ATG4C: variants seen among roughly 807,000 people sequenced by gnomAD.
The protein encoded by ATG4C is autophagy related 4C cysteine peptidase.
A neutral mutation model predicts 57.6 loss-of-function variants in ATG4C; 56 were observed. The observed-to-expected ratio is 0.97, with a 90% confidence interval of 0.78 to 1.21. ATG4C has a LOEUF of 1.21. Ranked by LOEUF, ATG4C falls within the 50% of genes most tolerant of loss-of-function variation. The pLI is 0.00. For synonymous variants in ATG4C, 157 were observed against 174.1 expected (o/e 0.90, Z 0.78); for missense variants, 595 against 529.8 (o/e 1.12, Z -1.21).
chr1:62,862,335 C>G (rs1275323965), intron 10 of ATG4C, among the ~76,000 whole-genome samples: 6 of 152,018 alleles, frequency 3.9e-5, no homozygotes, highest in Non-Finnish European at 8.8e-5. Flanking sequence ...TAACTCCTTT[C>G]TTAATCTTGA....
At chr1:62,801,609 G>A (rs543441955) in intron 1 of ATG4C, among the ~76,000 whole-genome samples, 303 of 151,620 alleles carry the variant, frequency 2.0e-3, no homozygotes, top group Admixed American at 3.9e-3. Flanking sequence ...AGTGAGCCGA[G>A]ATGTTGCCAC....
intron 9 of ATG4C, 51 bp downstream of exon 9, chr1:62,834,903 A>G (rs768435602): frequency 2.7e-6 from 4 of 1,456,630 alleles, no homozygotes; most frequent in Non-Finnish European, 1.9e-6. Flanking sequence ...GAAGTAAACT[A>G]ATTATTTAGA....
chr1:62,856,990 T>G (rs1300850963), intron 10 of ATG4C, among the ~76,000 whole-genome samples: 1 of 152,176 alleles, frequency 6.6e-6, no homozygotes, highest in Non-Finnish European at 1.5e-5. Context: ...CCACGCTGGC[T>G]TGCTTTCTGT....
intron 7 of ATG4C, among the ~76,000 whole-genome samples, chr1:62,832,575 T>G (rs1665876475): frequency 6.6e-6 from 1 of 152,178 alleles, no homozygotes; most frequent in South Asian, 2.1e-4. Context: ...ATTTTATCTT[T>G]ATTTTTAGTT....
At position 62,785,703 on chromosome 1, in the gene ATG4C, A is replaced by G. The variant is rs771414310; in HGVS notation, c.-69+1430A>G. On this transcript the variant is annotated intron_variant, in intron 1 of 10. Transcript: ENST00000317868. ...AAGAGGTTCTTATACTAAGATTATC[A>G]TTCTTTTTTAAGCTATCAAGTATGA... 9.6e-4 allele frequency among the ~76,000 whole-genome samples: 146 copies of G among 152,142 alleles called. 2 individuals are homozygous for G. The highest frequency in any genetic ancestry group is 2.1e-4 in the Non-Finnish European group (14 of 68,020).
At chr1:62,807,683 TG>T (rs1270491596) in intron 3 of ATG4C, among the ~76,000 whole-genome samples, 2 of 152,228 alleles carry the variant, frequency 1.3e-5, no homozygotes, top group African/African-American at 4.8e-5. Context: ...CTCCTGTGCT[TG>T]GGACCCTTCT....
chr1:62,793,983 C>T (rs1364352844), intron 1 of ATG4C, among the ~76,000 whole-genome samples: 2 of 152,184 alleles, frequency 1.3e-5, no homozygotes, highest in Admixed American at 6.5e-5. Context: ...TTACCTTCGA[C>T]TTATCAGAGG....
chr1:62,835,184 T>TAA (rs59745958), intron 9 of ATG4C, among the ~76,000 whole-genome samples: 354 of 135,558 alleles, frequency 2.6e-3, no homozygotes, highest in African/African-American at 7.6e-3. Context: ...AAGGCCTGTT[T>TAA]AAAAAAAAAA....
intron 6 of ATG4C, among the ~76,000 whole-genome samples, chr1:62,828,311 T>C (rs1665732355): frequency 6.6e-6 from 1 of 152,208 alleles, no homozygotes; most frequent in African/African-American, 2.4e-5. Context: ...CGCCAGCATC[T>C]GTTATCTTTT....
chr1:62,855,326 A>G (rs1666650264), intron 10 of ATG4C, among the ~76,000 whole-genome samples: 1 of 151,974 alleles, frequency 6.6e-6, no homozygotes, highest in African/African-American at 2.4e-5. Context: ...GATGTAGATT[A>G]TTTTTTATTT....
intron 1 of ATG4C, among the ~76,000 whole-genome samples, chr1:62,800,569 T>G (rs925444843): frequency 2.6e-5 from 4 of 152,190 alleles, no homozygotes; most frequent in Admixed American, 2.0e-4. Flanking sequence ...ATTCACACAT[T>G]TTATAAACTC....
intron 6 of ATG4C, among the ~76,000 whole-genome samples, chr1:62,825,355 G>A (rs1665616763): frequency 6.6e-6 from 1 of 151,842 alleles, no homozygotes; most frequent in South Asian, 2.1e-4. Context: ...CAATCTATCA[G>A]TAGCATTTGA....
intron 1 of ATG4C, among the ~76,000 whole-genome samples, chr1:62,801,106 T>C (rs1015233623): frequency 3.3e-5 from 5 of 152,334 alleles, no homozygotes; most frequent in East Asian, 1.9e-4. Flanking sequence ...TTTCAGCATA[T>C]GCTGCATGTG....
chr1:62,855,277 G>C (rs749351918), intron 10 of ATG4C, among the ~76,000 whole-genome samples: 5 of 152,040 alleles, frequency 3.3e-5, no homozygotes, highest in African/African-American at 4.8e-5. Flanking sequence ...CACAAACTTA[G>C]GTTGTATTTC....
At chr1:62,861,324 T>A (rs1001054088) in intron 10 of ATG4C, among the ~76,000 whole-genome samples, 1 of 152,194 alleles carries the variant, frequency 6.6e-6, no homozygotes, top group East Asian at 1.9e-4. Flanking sequence ...GGCGGGCAGA[T>A]CACTTGAGTT....
chr1:62,786,662 T>C (rs1664094967), intron 1 of ATG4C, among the ~76,000 whole-genome samples: 1 of 152,222 alleles, frequency 6.6e-6, no homozygotes, highest in African/African-American at 2.4e-5. Flanking sequence ...CATTTAGCAT[T>C]TATTTATTAA....
At chr1:62,786,023 C>T (rs1482010181) in intron 1 of ATG4C, among the ~76,000 whole-genome samples, 1 of 152,140 alleles carries the variant, frequency 6.6e-6, no homozygotes, top group Non-Finnish European at 1.5e-5. Flanking sequence ...GTAAGAGTAT[C>T]CTCTTGTCCT....
chr1:62,855,827 AG>A (rs1666664486), intron 10 of ATG4C, among the ~76,000 whole-genome samples: 1 of 152,240 alleles, frequency 6.6e-6, no homozygotes, highest in Admixed American at 6.5e-5. Flanking sequence ...CAGTAACTCA[AG>A]ACTGTGTGCT....
intron 1 of ATG4C, among the ~76,000 whole-genome samples, chr1:62,785,666 A>G (rs1190995386): frequency 1.3e-5 from 2 of 152,132 alleles, no homozygotes; most frequent in East Asian, 1.9e-4. Context: ...TTCTATTCCA[A>G]TTATTGCACT....
Sources: allele counts gnomAD v4.1 joint callset (sites outside exome capture counted in the v4.1 genomes callset), GRCh38; gene constraint gnomAD v4.1.1; transcripts MANE v1.5; gene names NCBI Gene and HGNC (gene_info 2026-07-23, HGNC 2026-07-21).